Variants in KCND3 observed in about 807,000 individuals in gnomAD.
KCND3 encodes A-type voltage-gated potassium channel KCND3.
KCND3 carries 9 observed loss-of-function variants against 51.1 expected under a neutral mutation model. That is an observed-to-expected ratio of 0.18 (90% CI 0.11 to 0.31). KCND3 has a LOEUF of 0.31. KCND3 is among the 10% of genes least tolerant of loss of function. The pLI is 1.00. For synonymous variants in KCND3, 349 were observed against 368.0 expected (o/e 0.95, Z 0.59); for missense variants, 526 against 903.8 (o/e 0.58, Z 5.36).
chr1:111,872,821 A>C (rs1411982520), intron 2 of KCND3, among the ~76,000 whole-genome samples: 1 of 152,166 alleles, frequency 6.6e-6, no homozygotes, highest in Non-Finnish European at 1.5e-5. Flanking sequence ...CCCAGTGAGA[A>C]CACTCATCAG....
At chr1:111,808,905 C>T (rs560395046) in intron 2 of KCND3, among the ~76,000 whole-genome samples, 68 of 152,344 alleles carry the variant, frequency 4.5e-4, no homozygotes, top group African/African-American at 1.6e-3. Context: ...AAGTGTCTGC[C>T]CTTCATTCTC....
At chr1:111,815,332 T>C (rs982711003) in intron 2 of KCND3, among the ~76,000 whole-genome samples, 3 of 151,964 alleles carry the variant, frequency 2.0e-5, no homozygotes, top group Non-Finnish European at 4.4e-5. Context: ...CATCAGTCAC[T>C]TCCCTTCATG....
chr1:111,890,706 C>A (rs1395409980), intron 2 of KCND3, among the ~76,000 whole-genome samples: 1 of 151,928 alleles, frequency 6.6e-6, no homozygotes, highest in Admixed American at 6.6e-5. Flanking sequence ...GCTCTCCTGC[C>A]CAGGAAGGAG....
intron 7 of KCND3, 54 bp from the exon 8 acceptor site, chr1:111,776,332 G>A (rs532898220): frequency 1.5e-4 from 238 of 1,542,342 alleles, no homozygotes; most frequent in Middle Eastern, 6.9e-4. Context: ...GCGTCCCAAA[G>A]CTTCCTTGAC....
At chr1:111,888,783 C>G (rs796443994) in intron 2 of KCND3, among the ~76,000 whole-genome samples, 1 of 151,678 alleles carries the variant, frequency 6.6e-6, no homozygotes, top group African/African-American at 2.4e-5. Context: ...CAGGGGCTAC[C>G]GAGAGAAGGA....
In KCND3 at chr1:111,982,943, A is replaced by G. The variant is rs1675051219; in HGVS notation, c.-72-145T>C. 1.5e-6 allele frequency: 1 copy of G among 655,560 alleles called. No homozygotes were observed. The highest frequency in any genetic ancestry group is 2.6e-6 in the Non-Finnish European group (1 of 382,388). The allele number at this position is 655,560 out of a possible 1,614,324, so 40.6% of individuals were successfully genotyped here. Reference sequence around the variant, plus strand: ...TAAAACTGAAATCCCCACCACAGAGAGGGGACTTGATTCTTTGCCATCCAG... The same window carrying G: ...TAAAACTGAAATCCCCACCACAGAGGGGGGACTTGATTCTTTGCCATCCAG... On this transcript the variant is annotated intron_variant, in intron 1 of 7. Coordinates refer to ENST00000302127, the MANE Select transcript of KCND3 (RefSeq NM_001378969.1). The surrounding 1 kb of genome is among the most constrained non-coding windows in gnomAD (Gnocchi z 8.5).
chr1:111,819,519 C>T (rs945627144), intron 2 of KCND3, among the ~76,000 whole-genome samples: 11 of 152,158 alleles, frequency 7.2e-5, no homozygotes, highest in Non-Finnish European at 1.2e-4. Flanking sequence ...TAACTTAATG[C>T]GGAACAATTA....
At chr1:111,950,650 G>A (rs780592395) in intron 2 of KCND3, among the ~76,000 whole-genome samples, 1 of 152,232 alleles carries the variant, frequency 6.6e-6, no homozygotes, top group Non-Finnish European at 1.5e-5. Flanking sequence ...AAGAGAGAAT[G>A]GGAGGGCAGG....
At chr1:111,927,361 G>A (rs111787184) in intron 2 of KCND3, among the ~76,000 whole-genome samples, 161 of 152,364 alleles carry the variant, frequency 1.1e-3, no homozygotes, top group African/African-American at 3.6e-3. Context: ...CATAGGTGGA[G>A]GAGGGCACAT....
In KCND3 at chr1:111,893,601, A is replaced by T. The variant is rs150524967; in HGVS notation, c.1106+88020T>A. On this transcript the variant is annotated intron_variant, in intron 2 of 7. Coordinates refer to ENST00000302127, the MANE Select transcript of KCND3 (RefSeq NM_001378969.1). The stretch of plus-strand genomic sequence containing the variant: ...AAGGCTAGAAAACTCAACACTACTT[A>T]CCTGCCCCTATGCGGTGCTTCACCC... 3.1e-3 allele frequency among the ~76,000 whole-genome samples: 472 copies of T among 152,230 alleles called. 5 individuals carry two copies. Among genetic ancestry groups the T allele is most frequent in the African/African-American group, 0.011 (451 of 41,536 alleles).
intron 2 of KCND3, among the ~76,000 whole-genome samples, chr1:111,898,089 G>C (rs1372655797): frequency 6.6e-6 from 1 of 152,108 alleles, no homozygotes; most frequent in Non-Finnish European, 1.5e-5. Flanking sequence ...ATGACCCTAC[G>C]CATGGTCCTT....
intron 2 of KCND3, among the ~76,000 whole-genome samples, chr1:111,881,663 G>C (rs1352794133): frequency 2.6e-5 from 4 of 152,166 alleles, no homozygotes; most frequent in Non-Finnish European, 4.4e-5. Flanking sequence ...GCAGGGCAAA[G>C]GGCAGGGGCA....
intron 2 of KCND3, among the ~76,000 whole-genome samples, chr1:111,823,548 A>C (rs1666442111): frequency 6.6e-6 from 1 of 152,142 alleles, no homozygotes. Context: ...CTGGTTTTAC[A>C]CTGTCCAATC....
At chr1:111,781,829 T>A (rs766696483) in intron 3 of KCND3, among the ~76,000 whole-genome samples, 4 of 152,218 alleles carry the variant, frequency 2.6e-5, no homozygotes, top group Non-Finnish European at 5.9e-5. Context: ...GCCCTTCTCC[T>A]TCCTAATGAC....
chr1:111,846,262 T>C (rs1667543038), intron 2 of KCND3, among the ~76,000 whole-genome samples: 1 of 152,216 alleles, frequency 6.6e-6, no homozygotes, highest in Non-Finnish European at 1.5e-5. Flanking sequence ...ATATTTGCTG[T>C]TCTCCAAACA....
chr1:111,969,360 G>A (rs1170918944), intron 2 of KCND3, among the ~76,000 whole-genome samples: 4 of 152,176 alleles, frequency 2.6e-5, no homozygotes, highest in Non-Finnish European at 5.9e-5. Context: ...CTATGCTCAA[G>A]TCAGAGGTTG....
Position 111,816,009 on chromosome 1 carries a change from C to T in KCND3, c.1107-28903G>A, listed in dbSNP as rs150390665. Reference sequence around the variant, plus strand: ...GGAGGCAGGGTGGGGCCAACCTGAGCGCTAATGCTGTGCCCGGCAGCAAGA... The same window carrying T: ...GGAGGCAGGGTGGGGCCAACCTGAGTGCTAATGCTGTGCCCGGCAGCAAGA... On this transcript the variant is annotated intron_variant, in intron 2 of 7. Coordinates refer to ENST00000302127, the MANE Select transcript of KCND3 (RefSeq NM_001378969.1). Among the ~76,000 whole-genome samples the T allele has an allele frequency of 7.6e-3, 1,151 of 152,254 alleles. 5 individuals are homozygous for T. The highest frequency in any genetic ancestry group is 0.048 in the Middle Eastern group (14 of 294).
At chr1:111,925,994 AT>A (rs1671679779) in intron 2 of KCND3, among the ~76,000 whole-genome samples, 1 of 152,190 alleles carries the variant, frequency 6.6e-6, no homozygotes. Flanking sequence ...ATTTCCATTT[AT>A]ATGCCTAGCT....
intron 2 of KCND3, among the ~76,000 whole-genome samples, chr1:111,966,939 G>C (rs1288791420): frequency 6.6e-6 from 1 of 152,018 alleles, no homozygotes; most frequent in African/African-American, 2.4e-5. Flanking sequence ...TCAGGAGTTT[G>C]AGACCAGCCT....
Sources: gnomAD v4.1 joint callset for allele counts (sites outside exome capture counted in the v4.1 genomes callset) on GRCh38, gnomAD v4.1.1 for gene constraint, Gnocchi (gnomAD v3.1) non-coding constraint, MANE v1.5 for transcripts, NCBI Gene and HGNC (gene_info 2026-07-23, HGNC 2026-07-21) for gene names.